The following ZNF462 variants were observed in gnomAD, a reference collection of about 807,000 sequenced individuals.
ZNF462 encodes zinc finger protein 462.
Under a neutral mutation model 201.9 loss-of-function variants are expected in ZNF462, and 10 were observed. The ratio of observed to expected loss-of-function variants is 0.05; its 90% confidence interval spans 0.03 to 0.08. The LOEUF (loss-of-function observed/expected upper bound fraction) is 0.08, where lower values mean the gene tolerates loss of function less well. ZNF462 is among the 10% of genes least tolerant of loss of function. The probability of loss-of-function intolerance (pLI) is 1.00; values close to 1 mark genes in which losing one functional copy is unlikely to be tolerated. For missense variants in ZNF462, 2,523 were observed against 3,168.3 expected (o/e 0.80, Z 4.89); for synonymous variants, 1,227 against 1,193.3 (o/e 1.03, Z -0.58).
chr9:106,876,336 C>T lies in ZNF462; in HGVS notation c.-31+12981C>T, dbSNP rs752716968. 1.2e-4 allele frequency among the ~76,000 whole-genome samples: 19 copies of T among 152,168 alleles called. No homozygotes were observed. The highest frequency in any genetic ancestry group is 2.0e-4 in the Admixed American group (3 of 15,286). ...GAAGAAAGTGATAGTTTCTTCCTTC[C>T]TCACTGATAGAGAAACTGAGGCAGA... On this transcript the variant is annotated intron_variant, in intron 1 of 12. Coordinates refer to ENST00000277225, the MANE Select transcript of ZNF462 (RefSeq NM_021224.6). This position sits in a 1 kb window ranked among gnomAD's most constrained non-coding sequence, Gnocchi z 4.9.
In ZNF462 at chr9:106,895,447, CA is replaced by C. The variant is rs1302335606; in HGVS notation, c.-30-27906del. On this transcript the variant is annotated intron_variant, in intron 1 of 12. Coordinates refer to ENST00000277225, the MANE Select transcript of ZNF462 (RefSeq NM_021224.6). This position sits in a 1 kb window ranked among gnomAD's most constrained non-coding sequence, Gnocchi z 4.4. ...CTGGACCATCTCAGCAGCTGCTTAG[CA>C]GCCTGTTTCCCACCATCCTCTTCAC... Among the ~76,000 whole-genome samples, 9 of 152,152 alleles carry C rather than the reference CA, an allele frequency of 5.9e-5. No individual in the cohort carries two copies. The highest frequency in any genetic ancestry group is 2.0e-4 in the Admixed American group (3 of 15,282).
chr9:106,884,974 A>T (rs768360736), intron 1 of ZNF462, among the ~76,000 whole-genome samples: 11 of 152,230 alleles, frequency 7.2e-5, no homozygotes, highest in African/African-American at 4.8e-5. Context: ...GAGCCAGCTC[A>T]GTAGATGTTT....
At chr9:106,869,178 G>T (rs1279875871) in intron 1 of ZNF462, among the ~76,000 whole-genome samples, 1 of 152,158 alleles carries the variant, frequency 6.6e-6, no homozygotes, top group Non-Finnish European at 1.5e-5. Flanking sequence ...ATTTAAATTG[G>T]CTCCTTTCAG....
In ZNF462 at chr9:106,928,418, C is replaced by T. The variant is rs1440384486; in HGVS notation, c.4506C>T (p.Asp1502=). 1.9e-6 allele frequency: 3 copies of T among 1,614,180 alleles called. No individual in the cohort carries two copies. Among genetic ancestry groups the T allele is most frequent in the East Asian group, 2.2e-5 (1 of 44,868 alleles). The change falls in exon 3 of 13, where the codon GAC becomes GAT. Residue 1502 remains aspartate (D), a synonymous_variant. Coordinates refer to ENST00000277225, the MANE Select transcript of ZNF462 (RefSeq NM_021224.6). The surrounding 1 kb of genome is among the most constrained non-coding windows in gnomAD (Gnocchi z 9.3). ...CTGGCATGAAAGTGAAGGCTGCTGA[C>T]TTTGCCCAGGACATTGACATCAACC... ...KHPGMKVKAA[D]FAQDIDINPG...
Position 106,929,488 on chromosome 9 carries a change from C to A in ZNF462, c.5576C>A (p.Ala1859Glu). 2 of 1,614,152 alleles carry A rather than the reference C, an allele frequency of 1.2e-6. No individual in the cohort carries two copies. The highest frequency in any genetic ancestry group is 2.2e-5 in the South Asian group (2 of 91,076). ...TGCTTCAAGCTGTCCTTTAGCACTG[C>A]AGAGCTGCTGTGCATGCATTACACT... ...IKCFKLSFST[A>E]ELLCMHYTDH... is the part of the protein sequence containing the mutation. The change falls in exon 3 of 13, where the codon GCA becomes GAA. Residue 1859 changes from alanine to glutamate, a missense_variant. Physicochemically the swap from Ala to Glu is moderately radical, Grantham distance 107 (BLOSUM62 -1). Transcript: ENST00000277225. The surrounding 1 kb of genome is among the most constrained non-coding windows in gnomAD (Gnocchi z 8.7).
At position 106,895,340 on chromosome 9, in the gene ZNF462, T is replaced by C. The variant is rs1828763911; in HGVS notation, c.-30-28014T>C. Among the ~76,000 whole-genome samples the C allele has an allele frequency of 6.6e-6, 1 of 152,152 alleles. No homozygotes were observed. Among genetic ancestry groups the C allele is most frequent in the African/African-American group, 2.4e-5 (1 of 41,434 alleles). ...ACCAAGCATTAGCTTCTGCCCGTGC[T>C]CCCTTCTAAATATCATGTAGGCTTG... On this transcript the variant is annotated intron_variant, in intron 1 of 12. Coordinates refer to ENST00000277225, the MANE Select transcript of ZNF462 (RefSeq NM_021224.6). This position sits in a 1 kb window ranked among gnomAD's most constrained non-coding sequence, Gnocchi z 4.4.
rs397893745 is a variant in ZNF462 at position 107,012,105 on chromosome 9, C to CTTTTTT, written c.*1094_*1099dup. On this transcript the variant is annotated 3_prime_UTR_variant, in exon 13 of 13. Coordinates refer to ENST00000277225, the MANE Select transcript of ZNF462 (RefSeq NM_021224.6). ...TGGAAATAACAAAGAAGTTAACTTTCTTTTTTTTTTTTTTTTTTTTTTTTA... is the reference window on the plus strand; with the variant it reads ...TGGAAATAACAAAGAAGTTAACTTTCTTTTTTTTTTTTTTTTTTTTTTTTTTTTTTA... 210 of 94,532 alleles carry CTTTTTT rather than the reference C, an allele frequency of 2.2e-3. No individual in the cohort carries two copies. Among genetic ancestry groups the CTTTTTT allele is most frequent in the East Asian group, 3.5e-3 (9 of 2,572 alleles). 5.9% of individuals were successfully genotyped at this position (94,532 alleles called of 1,614,324 possible). A position where few individuals can be genotyped will look rare whatever the true frequency, so the allele number is the denominator to read the frequency against.
intron 1 of ZNF462, among the ~76,000 whole-genome samples, chr9:106,877,706 A>G (rs994659901): frequency 6.6e-6 from 1 of 152,208 alleles, no homozygotes; most frequent in African/African-American, 2.4e-5. Flanking sequence ...TTAATTATAA[A>G]TAAACTTTAG....
chr9:106,995,797 G>A (rs1828669269), intron 10 of ZNF462: 1 of 152,058 alleles, frequency 6.6e-6, no homozygotes, highest in Non-Finnish European at 1.5e-5. Context: ...TATTTCATGG[G>A]ATGCAAATCT....
chr9:106,887,083 T>C (rs1402676412), intron 1 of ZNF462, among the ~76,000 whole-genome samples: 1 of 152,226 alleles, frequency 6.6e-6, no homozygotes, highest in Non-Finnish European at 1.5e-5. Context: ...GAATATTTAG[T>C]CAAGGGCAGA....
Position 106,977,816 on chromosome 9 carries a change from G to A in ZNF462, c.6832+3543G>A. Among the ~76,000 whole-genome samples, 1 of 151,508 alleles carries A rather than the reference G, an allele frequency of 6.6e-6. No individual in the cohort carries two copies. Among genetic ancestry groups the A allele is most frequent in the East Asian group, 1.9e-4 (1 of 5,192 alleles). ...TAAGGCAGGGCATATTAGTTTGCAA[G>A]GACTATTGTAACAAGTGACCACCAA... On this transcript the variant is annotated intron_variant, in intron 9 of 12. Coordinates refer to ENST00000277225, the MANE Select transcript of ZNF462 (RefSeq NM_021224.6). The surrounding 1 kb of genome is among the most constrained non-coding windows in gnomAD (Gnocchi z 4.6).
chr9:106,909,546 A>G (rs1829454333), intron 1 of ZNF462, among the ~76,000 whole-genome samples: 1 of 152,144 alleles, frequency 6.6e-6, no homozygotes, highest in Non-Finnish European at 1.5e-5. Context: ...TACATGCTGC[A>G]TTCTCTGACT....
intron 1 of ZNF462, among the ~76,000 whole-genome samples, chr9:106,877,474 C>T (rs964541089): frequency 5.9e-5 from 9 of 151,662 alleles, no homozygotes; most frequent in East Asian, 1.9e-4. Context: ...ACTGTAAGCC[C>T]GGCCTCCTGG....
intron 6 of ZNF462, among the ~76,000 whole-genome samples, chr9:106,937,148 A>G (rs1830664350): frequency 6.6e-6 from 1 of 152,154 alleles, no homozygotes; most frequent in South Asian, 2.1e-4. Flanking sequence ...TCTGGATTTG[A>G]ATTCTCTCTC....
At position 107,009,722 on chromosome 9, in the gene ZNF462, AG is replaced by A; in HGVS notation, c.7313+57del. 1 of 555,288 alleles carries A rather than the reference AG, an allele frequency of 1.8e-6. No individual in the cohort carries two copies. The highest frequency in any genetic ancestry group is 3.5e-6 in the Non-Finnish European group (1 of 288,772). The allele number at this position is 555,288 out of a possible 1,614,324, so 34.4% of individuals were successfully genotyped here. ...TGTCCAAAGCAAGAGGTAGGGAGGG[AG>A]GGAGGGGCTCTTGTTTTGGTTCCCC... On this transcript the variant is annotated intron_variant, in intron 12 of 12. Coordinates refer to ENST00000277225, the MANE Select transcript of ZNF462 (RefSeq NM_021224.6). This position sits in a 1 kb window ranked among gnomAD's most constrained non-coding sequence, Gnocchi z 6.1.
intron 7 of ZNF462, among the ~76,000 whole-genome samples, chr9:106,952,982 A>G (rs144074574): frequency 4.1e-4 from 63 of 152,290 alleles, no homozygotes; most frequent in African/African-American, 1.4e-3. Context: ...CCTAAGCCTC[A>G]GTTCTTAGAT....
Position 106,926,820 on chromosome 9 carries a change from C to T in ZNF462, c.2908C>T (p.Leu970=). Residue 970 remains leucine (L), a synonymous_variant, in exon 3 of 13, where the codon CTG becomes TTG. Coordinates refer to ENST00000277225, the MANE Select transcript of ZNF462 (RefSeq NM_021224.6). The surrounding 1 kb of genome is among the most constrained non-coding windows in gnomAD (Gnocchi z 7.9). ...SSYVVEQQEG[L]NTESQTLREI... is the part of the protein sequence containing the mutation. ...CTATGTCGTGGAGCAGCAGGAAGGG[C>T]TGAATACAGAATCCCAGACCCTGAG... 2.5e-6 allele frequency: 4 copies of T among 1,614,186 alleles called. No individual in the cohort carries two copies. Among genetic ancestry groups the T allele is most frequent in the Non-Finnish European group, 3.4e-6 (4 of 1,180,034 alleles).
chr9:106,953,958 C>T (rs1043712642), intron 7 of ZNF462, among the ~76,000 whole-genome samples: 55 of 152,134 alleles, frequency 3.6e-4, no homozygotes, highest in Admixed American at 3.5e-3. Context: ...TTTATATTGC[C>T]TTAATTCTTC....
intron 1 of ZNF462, among the ~76,000 whole-genome samples, chr9:106,863,911 C>A (rs1827171006): frequency 6.6e-6 from 1 of 151,960 alleles, no homozygotes; most frequent in South Asian, 2.1e-4. Context: ...TGCGAGCGGC[C>A]CCGACCTGAG....
Sources: gnomAD v4.1 joint callset for allele counts (sites outside exome capture counted in the v4.1 genomes callset) on GRCh38, gnomAD v4.1.1 for gene constraint, Gnocchi (gnomAD v3.1) non-coding constraint, MANE v1.5 for transcripts, NCBI Gene and HGNC (gene_info 2026-07-23, HGNC 2026-07-21) for gene names.